The following PDLIM5 variants were observed in gnomAD, a reference collection of about 807,000 sequenced individuals.
PDLIM5 encodes the protein PDZ and LIM domain protein 5.
A neutral mutation model predicts 64.2 loss-of-function variants in PDLIM5; 34 were observed. That is an observed-to-expected ratio of 0.53 (90% CI 0.40 to 0.71). The LOEUF (loss-of-function observed/expected upper bound fraction) is 0.71. PDLIM5 is among the 30% of genes least tolerant of loss of function. The pLI is 0.00. For synonymous variants in PDLIM5, 253 were observed against 269.1 expected (o/e 0.94, Z 0.59); for missense variants, 683 against 733.6 (o/e 0.93, Z 0.80).
intron 5 of PDLIM5, among the ~76,000 whole-genome samples, chr4:94,577,581 C>CTTTTTTTTTTTTTTTTT (rs11349007): frequency 6.6e-5 from 7 of 106,840 alleles, no homozygotes; most frequent in Non-Finnish European, 3.8e-5. Context: ...TGGTCGTAAT[C>CTTTTTTTTTTTTTTTTT]TTTTTTTTTT....
chr4:94,603,368 T>G (rs1253011764), intron 7 of PDLIM5, among the ~76,000 whole-genome samples: 1 of 152,188 alleles, frequency 6.6e-6, no homozygotes, highest in East Asian at 1.9e-4. Context: ...AGACAGTTCT[T>G]AAATCACTAG....
chr4:94,523,641 G>A (rs1730025780), intron 2 of PDLIM5, 83 bp from the exon 3 acceptor site: 3 of 976,480 alleles, frequency 3.1e-6, no homozygotes, highest in Non-Finnish European at 4.6e-6. Flanking sequence ...TATACTTTTG[G>A]TATAAGCAAA....
chr4:94,567,429 G>GA (rs977385416), intron 3 of PDLIM5, among the ~76,000 whole-genome samples: 7 of 151,864 alleles, frequency 4.6e-5, no homozygotes, highest in African/African-American at 1.7e-4. Context: ...AGTTGGAAGA[G>GA]AAAATCTATC....
intron 8 of PDLIM5, among the ~76,000 whole-genome samples, chr4:94,630,160 T>C (rs1740028481): frequency 6.6e-6 from 1 of 152,168 alleles, no homozygotes; most frequent in African/African-American, 2.4e-5. Context: ...GATGTTGAAT[T>C]ACAATACTTT....
At chr4:94,513,339 A>G (rs534676571) in intron 2 of PDLIM5, among the ~76,000 whole-genome samples, 1 of 152,292 alleles carries the variant, frequency 6.6e-6, no homozygotes, top group South Asian at 2.1e-4. Flanking sequence ...ACATTTTAAC[A>G]ATATTGATTC....
chr4:94,513,797 G>A (rs1168712488), intron 2 of PDLIM5, among the ~76,000 whole-genome samples: 2 of 152,144 alleles, frequency 1.3e-5, no homozygotes, highest in Non-Finnish European at 2.9e-5. Flanking sequence ...TTCTTGTCAT[G>A]TTGCAGATTT....
At chr4:94,457,972 C>T (rs1456803926) in intron 2 of PDLIM5, among the ~76,000 whole-genome samples, 1 of 152,134 alleles carries the variant, frequency 6.6e-6, no homozygotes, top group African/African-American at 2.4e-5. Flanking sequence ...TCATTCTGGA[C>T]TGGAGAGGAT....
chr4:94,548,729 C>T (rs748619768), intron 3 of PDLIM5, among the ~76,000 whole-genome samples: 5 of 152,104 alleles, frequency 3.3e-5, no homozygotes, highest in Middle Eastern at 3.4e-3. Flanking sequence ...TAGGGCACAC[C>T]CACTTCCCTC....
intron 7 of PDLIM5, among the ~76,000 whole-genome samples, chr4:94,597,672 G>A (rs190293265): frequency 1.1e-4 from 16 of 151,476 alleles, no homozygotes; most frequent in Admixed American, 5.3e-4. Context: ...GGTATGTAGA[G>A]GACTTACAGA....
At chr4:94,502,576 A>G (rs1728023577) in intron 2 of PDLIM5, among the ~76,000 whole-genome samples, 1 of 152,076 alleles carries the variant, frequency 6.6e-6, no homozygotes, top group African/African-American at 2.4e-5. Flanking sequence ...TAGGATTTTT[A>G]TGAGATTAAG....
At chr4:94,571,137 A>T (rs1734770982) in intron 3 of PDLIM5, among the ~76,000 whole-genome samples, 1 of 152,216 alleles carries the variant, frequency 6.6e-6, no homozygotes, top group African/African-American at 2.4e-5. Flanking sequence ...TTTGCATCTA[A>T]TTCTTGATAA....
chr4:94,491,436 A>G (rs1354669544), intron 2 of PDLIM5, among the ~76,000 whole-genome samples: 1 of 152,088 alleles, frequency 6.6e-6, no homozygotes, highest in East Asian at 1.9e-4. Context: ...TGGACTGAGA[A>G]CAAATTGAAT....
At chr4:94,570,078 TATTATA>T (rs1449830711) in intron 3 of PDLIM5, among the ~76,000 whole-genome samples, 3 of 152,046 alleles carry the variant, frequency 2.0e-5, no homozygotes, top group Non-Finnish European at 2.9e-5. Flanking sequence ...CTTACAGAAT[TATTATA>T]ATTATAATTC....
chr4:94,471,686 C>T (rs111385531), intron 2 of PDLIM5, among the ~76,000 whole-genome samples: 1,805 of 152,154 alleles, frequency 0.012, 40 homozygotes, highest in African/African-American at 0.041. Flanking sequence ...GGTCAAATTA[C>T]TGAACAGTGC....
chr4:94,621,540 G>T (rs901088024), intron 8 of PDLIM5, among the ~76,000 whole-genome samples: 2 of 152,190 alleles, frequency 1.3e-5, no homozygotes, highest in African/African-American at 4.8e-5. Context: ...CGAAGAGAAG[G>T]CACAAAGTAT....
chr4:94,551,487 G>A (rs1338871826), intron 3 of PDLIM5, among the ~76,000 whole-genome samples: 1 of 152,124 alleles, frequency 6.6e-6, no homozygotes. Flanking sequence ...AACGCTTGAA[G>A]CAGATTACTG....
intron 8 of PDLIM5, among the ~76,000 whole-genome samples, chr4:94,639,182 A>G (rs1740806330): frequency 6.6e-6 from 1 of 152,194 alleles, no homozygotes. Context: ...ACCCATTCAC[A>G]AGAAAAAGTG....
At chr4:94,612,243 A>G (rs1738429466) in intron 7 of PDLIM5, among the ~76,000 whole-genome samples, 1 of 152,136 alleles carries the variant, frequency 6.6e-6, no homozygotes, top group Non-Finnish European at 1.5e-5. Context: ...AAGCAAACAA[A>G]CAAACAAAAA....
chr4:94,644,969 A>G (rs1169586001), intron 9 of PDLIM5, among the ~76,000 whole-genome samples: 2 of 151,928 alleles, frequency 1.3e-5, no homozygotes, highest in Non-Finnish European at 2.9e-5. Flanking sequence ...ATTTGCTTAC[A>G]TGAGTAAGTT....
Sources: allele counts gnomAD v4.1 joint callset (sites outside exome capture counted in the v4.1 genomes callset), GRCh38; gene constraint gnomAD v4.1.1; transcripts MANE v1.5; gene names NCBI Gene and HGNC (gene_info 2026-07-23, HGNC 2026-07-21).